The following PRDM15 variants were observed in gnomAD, a reference collection of about 807,000 sequenced individuals.
PRDM15 encodes PR/SET domain 15.
A neutral mutation model predicts 128.6 loss-of-function variants in PRDM15; 64 were observed. The ratio of observed to expected loss-of-function variants is 0.50; its 90% CI spans 0.41 to 0.61. The LOEUF is 0.61. Among genes scored for constraint, PRDM15 ranks in the 20% least tolerant of loss-of-function variants. The pLI, the probability that PRDM15 is intolerant of heterozygous loss-of-function variation, is 0.00. For synonymous variants in PRDM15, 615 were observed against 621.8 expected (o/e 0.99, Z 0.16); for missense variants, 1,242 against 1,569.1 (o/e 0.79, Z 3.52).
chr21:41,846,529 T>C (rs529168773), intron 6 of PRDM15, among the ~76,000 whole-genome samples: 50 of 152,298 alleles, frequency 3.3e-4, no homozygotes, highest in Non-Finnish European at 5.7e-4. Flanking sequence ...ACCCTGTCTC[T>C]ACAATAAATA....
chr21:41,829,604 T>G (rs1483867364), intron 11 of PRDM15, among the ~76,000 whole-genome samples: 1 of 132,240 alleles, frequency 7.6e-6, no homozygotes, highest in Non-Finnish European at 1.6e-5. Flanking sequence ...ACATACACTA[T>G]CACACACCAC....
chr21:41,814,836 T>C (rs1254924005), intron 19 of PRDM15: 1 of 141,408 alleles, frequency 7.1e-6, no homozygotes, highest in Non-Finnish European at 1.5e-5. Context: ...GGCTGTGTGT[T>C]AGTGATTGCG....
chr21:41,861,539 C>CA (rs768820482), intron 1 of PRDM15: 36 of 1,557,766 alleles, frequency 2.3e-5, no homozygotes, highest in Non-Finnish European at 2.8e-5. Context: ...CCTCTGCCCC[C>CA]CCCCAATCCC....
rs561073616 is a variant in PRDM15 at position 41,825,823 on chromosome 21, G to A, written c.1629+137C>T. 2.7e-5 allele frequency: 18 copies of A among 662,600 alleles called. No homozygotes were observed. The African/African-American group carries it at 2.8e-4, about 10-fold the overall frequency. 41.0% of individuals were successfully genotyped at this position (662,600 alleles called of 1,614,324 possible). ...AAGTGTTTAAAATGGGTGGACACCAGTTTAAGACAACCTGAGCACCCATCG... is the reference window on the plus strand; with the variant it reads ...AAGTGTTTAAAATGGGTGGACACCAATTTAAGACAACCTGAGCACCCATCG... On this transcript the variant is annotated intron_variant, in intron 13 of 23. Transcript: ENST00000398548.
At chr21:41,803,243 G>A (rs1054355876) in intron 22 of PRDM15, 17 of 371,094 alleles carry the variant, frequency 4.6e-5, no homozygotes, top group Non-Finnish European at 7.5e-5. Context: ...GTTTCTGCCC[G>A]GGTGAGCTGC....
chr21:41,819,477 ACCCACCTTCCCCACACTCC>A, intron 18 of PRDM15, 86 bp downstream of exon 18: 4 of 380,006 alleles, frequency 1.1e-5, no homozygotes, highest in Admixed American at 3.5e-5. Flanking sequence ...CCCCCGCCAC[ACCCACCTTCCCCACACTCC>A]CAGTTCTCGC....
At position 41,832,734 on chromosome 21, in the gene PRDM15, C is replaced by T. The variant is rs762686431; in HGVS notation, c.1366+2703G>A. On this transcript the variant is annotated intron_variant, in intron 11 of 23. Transcript: ENST00000398548. This position sits in a 1 kb window ranked among gnomAD's most constrained non-coding sequence, Gnocchi z 4.2. Reference sequence around the variant, plus strand: ...CTCCCAGGCAGGTGCAAATCAGCACCCATGAGCACCCCCTCCTGGGCAGGT... The same window carrying T: ...CTCCCAGGCAGGTGCAAATCAGCACTCATGAGCACCCCCTCCTGGGCAGGT... Among the ~76,000 whole-genome samples, 3 of 152,188 alleles carry T rather than the reference C, an allele frequency of 2.0e-5. No homozygotes were observed. Among genetic ancestry groups the T allele is most frequent in the Non-Finnish European group, 4.4e-5 (3 of 68,028 alleles).
Position 41,854,646 on chromosome 21 carries a change from T to G in PRDM15, c.458A>C (p.Glu153Ala). Residue 153 changes from glutamate (E) to alanine (A), a missense_variant, in exon 5 of 24, where the codon GAG (glutamate) becomes GCG (alanine). Coordinates refer to ENST00000398548, the MANE Select transcript of PRDM15 (RefSeq NM_001040424.3). The surrounding 1 kb of genome is among the most constrained non-coding windows in gnomAD (Gnocchi z 4.6). ...GAAGGCCGCATACCACACGCGCAGC[T>G]CGGTACCCGGGGGGATGTCTCTGGA... is the stretch of plus-strand genomic sequence containing the variant. ...TTSRDIPPGT[E>A]LRVWYAAFYA... 6.2e-7 allele frequency: 1 copy of G among 1,613,724 alleles called. No individual in the cohort carries two copies. The highest frequency in any genetic ancestry group is 8.5e-7 in the Non-Finnish European group (1 of 1,179,972).
intron 1 of PRDM15, chr21:41,867,467 A>C: frequency 2.9e-6 from 3 of 1,025,578 alleles, no homozygotes; most frequent in Admixed American, 1.9e-5. Context: ...GAGTCTCACT[A>C]TGTTGCCCAG....
At chr21:41,855,817 C>A (rs1165440455) in intron 4 of PRDM15, among the ~76,000 whole-genome samples, 1 of 152,252 alleles carries the variant, frequency 6.6e-6, no homozygotes, top group East Asian at 1.9e-4. Flanking sequence ...AAAGGACAGG[C>A]AGGTAGCCAA....
chr21:41,875,693 CCAA>C (rs1449222479), intron 1 of PRDM15, among the ~76,000 whole-genome samples: 1 of 152,204 alleles, frequency 6.6e-6, no homozygotes, highest in African/African-American at 2.4e-5. Flanking sequence ...AAATGTAAAC[CCAA>C]CGTTATATAT....
chr21:41,875,516 G>A (rs2064381744), intron 1 of PRDM15, among the ~76,000 whole-genome samples: 1 of 152,232 alleles, frequency 6.6e-6, no homozygotes, highest in Non-Finnish European at 1.5e-5. Flanking sequence ...TGTAAATACT[G>A]AGTTAAAATA....
intron 1 of PRDM15, among the ~76,000 whole-genome samples, chr21:41,867,819 G>A (rs903169658): frequency 6.6e-6 from 1 of 152,142 alleles, no homozygotes; most frequent in African/African-American, 2.4e-5. Context: ...CAGTTTGGGA[G>A]GCCAAGGCAG....
chr21:41,808,490 G>C (rs1315414702), intron 21 of PRDM15, among the ~76,000 whole-genome samples: 2 of 152,212 alleles, frequency 1.3e-5, no homozygotes, highest in Admixed American at 1.3e-4. Context: ...AAACTAGGGA[G>C]CCACCAGACT....
chr21:41,828,798 C>T lies in PRDM15; in HGVS notation c.1367-465G>A, dbSNP rs1019352553. 1.3e-5 allele frequency among the ~76,000 whole-genome samples: 2 copies of T among 152,038 alleles called. No individual in the cohort carries two copies. Among genetic ancestry groups the T allele is most frequent in the Non-Finnish European group, 2.9e-5 (2 of 67,980 alleles). On this transcript the variant is annotated intron_variant, in intron 11 of 23. Transcript: ENST00000398548. The surrounding 1 kb of genome is among the most constrained non-coding windows in gnomAD (Gnocchi z 5.7). ...TGTGGCCGCCCCTGCCCCCAGGATC[C>T]CTGGTGTTGGCCCCTCCCAACTCCT...
At chr21:41,837,254 A>G (rs1319410498) in intron 8 of PRDM15, among the ~76,000 whole-genome samples, 1 of 152,242 alleles carries the variant, frequency 6.6e-6, no homozygotes, top group Non-Finnish European at 1.5e-5. Flanking sequence ...ATTTACTGAA[A>G]TTCAAATAGC....
chr21:41,879,184 C>T lies in PRDM15; in HGVS notation c.-10+86G>A. The stretch of plus-strand genomic sequence containing the variant: ...GGGGGGCAGCGGGCCCAGGGCGCGC[C>T]GGGGCTCGCGGGGGCAGCGGGTGCG... On this transcript the variant is annotated intron_variant, in intron 1 of 23. Coordinates refer to ENST00000398548, the MANE Select transcript of PRDM15 (RefSeq NM_001040424.3). The surrounding 1 kb of genome is among the most constrained non-coding windows in gnomAD (Gnocchi z 5.1). The T allele has an allele frequency of 1.6e-6, 1 of 630,456 alleles. No homozygotes were observed. Among genetic ancestry groups the T allele is most frequent in the Non-Finnish European group, 1.9e-6 (1 of 532,012 alleles). The allele number at this position is 630,456 out of a possible 1,614,324, so 39.1% of individuals were successfully genotyped here.
At chr21:41,806,530 A>G (rs867769267) in intron 21 of PRDM15, among the ~76,000 whole-genome samples, 1 of 6,572 alleles carries the variant, frequency 1.5e-4, no homozygotes, top group Non-Finnish European at 4.2e-4. Flanking sequence ...CATCACCACC[A>G]CCATCACTAC....
At chr21:41,806,022 C>T (rs976834730) in intron 21 of PRDM15, among the ~76,000 whole-genome samples, 27 of 67,586 alleles carry the variant, frequency 4.0e-4, no homozygotes, top group East Asian at 2.9e-3. Flanking sequence ...CCACCATCAC[C>T]ACCACCACCA....
Sources: gnomAD v4.1 joint callset for allele counts (sites outside exome capture counted in the v4.1 genomes callset) on GRCh38, gnomAD v4.1.1 for gene constraint, Gnocchi (gnomAD v3.1) non-coding constraint, MANE v1.5 for transcripts, NCBI Gene and HGNC (gene_info 2026-07-23, HGNC 2026-07-21) for gene names.